SPHKAP: variants seen among roughly 807,000 people sequenced by gnomAD.
SPHKAP encodes the protein SPHK1 interactor, AKAP domain containing.
A neutral mutation model predicts 137.5 loss-of-function variants in SPHKAP; 67 were observed. The observed-to-expected ratio is 0.49, with a 90% CI of 0.40 to 0.60. The LOEUF is 0.60. SPHKAP is among the 20% of genes least tolerant of loss of function. SPHKAP has a pLI of 0.00. For synonymous variants in SPHKAP, 813 were observed against 785.3 expected (o/e 1.04, Z -0.59); for missense variants, 2,097 against 2,069.3 (o/e 1.01, Z -0.26).
At chr2:228,120,784 C>CCA in intron 2 of SPHKAP, among the ~76,000 whole-genome samples, 1 of 152,144 alleles carries the variant, frequency 6.6e-6, no homozygotes, top group East Asian at 1.9e-4. Flanking sequence ...AGAGCTTTAT[C>CCA]CATACGAATG....
intron 7 of SPHKAP, among the ~76,000 whole-genome samples, chr2:228,013,738 A>G (rs1694469728): frequency 6.6e-6 from 1 of 152,216 alleles, no homozygotes; most frequent in Admixed American, 6.5e-5. Flanking sequence ...TCCTACCTAT[A>G]GGTGAGTAAA....
intron 1 of SPHKAP, among the ~76,000 whole-genome samples, chr2:228,143,294 T>A (rs555865997): frequency 6.6e-6 from 1 of 152,132 alleles, no homozygotes; most frequent in South Asian, 2.1e-4. Context: ...GTAATCTCAG[T>A]GCTTTGGGAG....
At chr2:228,042,138 G>A (rs1253482942) in intron 3 of SPHKAP, among the ~76,000 whole-genome samples, 2 of 152,170 alleles carry the variant, frequency 1.3e-5, no homozygotes, top group African/African-American at 4.8e-5. Context: ...GAGCATCACA[G>A]GTACTGGCTT....
rs770920983 is a variant in SPHKAP, at chr2:228,019,116, T to A, written c.1738A>T (p.Thr580Ser). The A allele has an allele frequency of 1.9e-6, 3 of 1,614,002 alleles. No individual in the cohort carries two copies. In the South Asian group the frequency reaches 3.3e-5, roughly 18 times the overall value. ...CTACCACTTGGAGCCACTGAGCATG[T>A]CACCTCTTCTCTTTCACCCAGACCA... ...VCGLGEREEV[T>S]CSVAPSGSLP... Residue 580 changes from threonine (T) to serine (S), a missense_variant, in exon 7 of 12, where the codon ACA becomes TCA. Coordinates refer to ENST00000392056, the MANE Select transcript of SPHKAP (RefSeq NM_001142644.2).
At position 227,995,262 on chromosome 2, in the gene SPHKAP, G is replaced by T. The variant is rs143024602; in HGVS notation, c.4634+247C>A. On this transcript the variant is annotated intron_variant, in intron 8 of 11. Transcript: ENST00000392056. ...TGTCATCATTGAATGTTCTAGCTGG[G>T]GCTTGCAGGGAAGGGAACACAGCTC... 8.4e-3 allele frequency among the ~76,000 whole-genome samples: 1,274 copies of T among 152,252 alleles called. 20 individuals carry two copies. Among genetic ancestry groups the T allele is most frequent in the African/African-American group, 0.03 (1,233 of 41,540 alleles).
intron 1 of SPHKAP, among the ~76,000 whole-genome samples, chr2:228,158,604 A>G (rs1700180570): frequency 6.6e-6 from 1 of 152,172 alleles, no homozygotes; most frequent in African/African-American, 2.4e-5. Flanking sequence ...TTGGGAATGA[A>G]AAAGGGAGAG....
intron 1 of SPHKAP, among the ~76,000 whole-genome samples, chr2:228,171,653 G>A (rs139576446): frequency 4.5e-4 from 68 of 152,252 alleles, no homozygotes; most frequent in African/African-American, 1.5e-3. Context: ...ACTTCCTGGT[G>A]TACTGGGTAT....
At chr2:228,104,114 AAAAC>A in intron 3 of SPHKAP, among the ~76,000 whole-genome samples, 1 of 151,208 alleles carries the variant, frequency 6.6e-6, no homozygotes, top group Middle Eastern at 3.4e-3. Context: ...TTTAAAGAAA[AAAAC>A]ACTAACAGCT....
intron 7 of SPHKAP, among the ~76,000 whole-genome samples, chr2:228,003,324 A>T (rs1011776313): frequency 6.6e-6 from 1 of 152,076 alleles, no homozygotes; most frequent in Non-Finnish European, 1.5e-5. Flanking sequence ...ATTCTCTTTG[A>T]AGCAATTGTG....
chr2:228,106,393 C>A (rs112600045), intron 3 of SPHKAP, among the ~76,000 whole-genome samples: 37 of 152,172 alleles, frequency 2.4e-4, no homozygotes, highest in African/African-American at 8.9e-4. Flanking sequence ...GAGCTGGGTC[C>A]CCCCAGAGTT....
rs952711333 is a variant in SPHKAP at position 227,980,268 on chromosome 2, G to A, written c.*1449C>T. 1.3e-5 allele frequency: 2 copies of A among 152,212 alleles called. No homozygotes were observed. Among genetic ancestry groups the A allele is most frequent in the Admixed American group, 6.5e-5 (1 of 15,274 alleles). The allele number at this position is 152,212 out of a possible 1,614,324, so 9.4% of individuals were successfully genotyped here. A position where few individuals can be genotyped will look rare whatever the true frequency, so the allele number is the denominator to read the frequency against. On this transcript the variant is annotated 3_prime_UTR_variant, in exon 12 of 12. Coordinates refer to ENST00000392056, the MANE Select transcript of SPHKAP (RefSeq NM_001142644.2). The stretch of plus-strand genomic sequence containing the variant: ...GAATAAGAAATGCCTAATGAGCACT[G>A]GGCAAGTATCCTAGGATGGGAGTGG...
At chr2:228,076,695 G>C (rs1280724042) in intron 3 of SPHKAP, among the ~76,000 whole-genome samples, 1 of 152,174 alleles carries the variant, frequency 6.6e-6, no homozygotes. Flanking sequence ...AAGGCATTCA[G>C]TGCCAAAAGA....
At chr2:228,165,997 C>G (rs1700413129) in intron 1 of SPHKAP, among the ~76,000 whole-genome samples, 1 of 152,160 alleles carries the variant, frequency 6.6e-6, no homozygotes, top group Non-Finnish European at 1.5e-5. Flanking sequence ...CATTACGGAA[C>G]TCTTTAATCA....
intron 1 of SPHKAP, among the ~76,000 whole-genome samples, chr2:228,158,446 C>CAG (rs1422317711): frequency 6.6e-6 from 1 of 150,990 alleles, no homozygotes; most frequent in African/African-American, 2.4e-5. Context: ...TGGGAAGAAC[C>CAG]AGAGACAAGT....
chr2:228,139,066 G>A (rs887780814), intron 1 of SPHKAP, among the ~76,000 whole-genome samples: 1 of 152,064 alleles, frequency 6.6e-6, no homozygotes, highest in Non-Finnish European at 1.5e-5. Flanking sequence ...AGAAAGAATG[G>A]CCTCAAATTT....
At chr2:228,007,463 C>T (rs1157055569) in intron 7 of SPHKAP, among the ~76,000 whole-genome samples, 1 of 152,050 alleles carries the variant, frequency 6.6e-6, no homozygotes, top group Non-Finnish European at 1.5e-5. Flanking sequence ...ATTTTCCTTT[C>T]TCTGTCCACC....
chr2:228,133,625 C>G (rs1192079224), intron 1 of SPHKAP, among the ~76,000 whole-genome samples: 1 of 152,208 alleles, frequency 6.6e-6, no homozygotes, highest in African/African-American at 2.4e-5. Flanking sequence ...TCTGATAGTT[C>G]TGTATAAAAT....
chr2:227,994,192 A>G (rs900887430), intron 8 of SPHKAP: 2 of 432,724 alleles, frequency 4.6e-6, no homozygotes, highest in Non-Finnish European at 3.1e-6. Flanking sequence ...AAGCTGGGCA[A>G]TGTCAATGTT....
intron 1 of SPHKAP, chr2:228,169,657 G>T (rs1174517490): frequency 6.6e-6 from 1 of 152,014 alleles, no homozygotes; most frequent in East Asian, 1.9e-4. Context: ...TTGTTTTTAT[G>T]CCTGCTTACA....
Sources: gnomAD v4.1 joint callset for allele counts (sites outside exome capture counted in the v4.1 genomes callset) on GRCh38, gnomAD v4.1.1 for gene constraint, MANE v1.5 for transcripts, NCBI Gene and HGNC (gene_info 2026-07-23, HGNC 2026-07-21) for gene names.